Variants in OGDH observed in about 807,000 individuals in gnomAD.
The protein encoded by OGDH is oxoglutarate dehydrogenase, also known as 2-oxoglutarate dehydrogenase complex component E1.
In OGDH, 38 loss-of-function variants were observed where a neutral mutation model predicts 116.6. The observed-to-expected ratio is 0.33, with a 90% confidence interval of 0.25 to 0.43. The LOEUF (loss-of-function observed/expected upper bound fraction) is 0.43. OGDH is among the 20% of genes least tolerant of loss of function. The pLI, the probability that OGDH is intolerant of heterozygous loss-of-function variation, is 1.00. For synonymous variants in OGDH, 488 were observed against 533.3 expected (o/e 0.92, Z 1.17); for missense variants, 825 against 1,357.2 (o/e 0.61, Z 6.16).
chr7:44,647,016 G>A (rs1021014740), intron 3 of OGDH, among the ~76,000 whole-genome samples: 1 of 152,118 alleles, frequency 6.6e-6, no homozygotes, highest in Non-Finnish European at 1.5e-5. Flanking sequence ...CAAACTCCTA[G>A]GCTCAAGAGA....
rs1481678732 is a variant in OGDH, at chr7:44,618,431, C to G, written c.-27-5886C>G. On this transcript the variant is annotated intron_variant, in intron 1 of 22. Coordinates refer to ENST00000222673, the MANE Select transcript of OGDH (RefSeq NM_002541.4). The stretch of plus-strand genomic sequence containing the variant: ...TTCCCTCATTTCTCTGCCCCAGCCC[C>G]AGGCAACCACTAATCTACTTTCTCT... Among the ~76,000 whole-genome samples the G allele has an allele frequency of 2.0e-5, 3 of 152,152 alleles. No individual in the cohort carries two copies. The East Asian group carries it at 5.8e-4, about 29-fold the overall frequency.
At chr7:44,615,665 T>G (rs1784740032) in intron 1 of OGDH, among the ~76,000 whole-genome samples, 1 of 152,202 alleles carries the variant, frequency 6.6e-6, no homozygotes, top group South Asian at 2.1e-4. Flanking sequence ...GTTTTCTTTG[T>G]CTACACCTGT....
At chr7:44,664,321 TTC>T (rs1787086931) in intron 4 of OGDH, among the ~76,000 whole-genome samples, 1 of 152,184 alleles carries the variant, frequency 6.6e-6, no homozygotes, top group African/African-American at 2.4e-5. Context: ...ACATTTTGGA[TTC>T]CCTCTTGGGC....
At chr7:44,625,252 G>A (rs555003787) in intron 2 of OGDH, among the ~76,000 whole-genome samples, 2 of 152,210 alleles carry the variant, frequency 1.3e-5, no homozygotes, top group South Asian at 4.2e-4. Context: ...AGCCTCCCGA[G>A]TAACTGGGAC....
At chr7:44,667,257 TGTAAG>T (rs1477352858) in intron 5 of OGDH, among the ~76,000 whole-genome samples, 1 of 152,136 alleles carries the variant, frequency 6.6e-6, no homozygotes, top group Non-Finnish European at 1.5e-5. Context: ...TTTTAAAAAT[TGTAAG>T]GGAAGGAGGA....
At chr7:44,670,557 G>C (rs1483361042) in intron 5 of OGDH, among the ~76,000 whole-genome samples, 1 of 152,122 alleles carries the variant, frequency 6.6e-6, no homozygotes, top group Non-Finnish European at 1.5e-5. Flanking sequence ...TCAGTACCTT[G>C]GGCACTATGG....
Position 44,697,327 on chromosome 7 carries a change from C to G in OGDH, c.2052-43C>G, listed in dbSNP as rs751959532. ...GCGGGTCCCCAGCGTATTTGCTTGT[C>G]AAGTCAGAGCTCCTAATTATTACCT... On this transcript the variant is annotated intron_variant, in intron 15 of 22. Coordinates refer to ENST00000222673, the MANE Select transcript of OGDH (RefSeq NM_002541.4). The surrounding 1 kb of genome is among the most constrained non-coding windows in gnomAD (Gnocchi z 6.0). 6 of 1,611,796 alleles carry G rather than the reference C, an allele frequency of 3.7e-6. No individual in the cohort carries two copies. In the East Asian group the frequency reaches 1.3e-4, roughly 36 times the overall value.
At chr7:44,676,616 A>G (rs201507494) in intron 9 of OGDH, 991 of 19,800 alleles carry the variant, frequency 0.05, 9 homozygotes, top group South Asian at 0.11. Flanking sequence ...GTGTGTGTGT[A>G]TATATATATA....
At chr7:44,695,533 C>T (rs1438076670) in intron 12 of OGDH, among the ~76,000 whole-genome samples, 4 of 151,656 alleles carry the variant, frequency 2.6e-5, no homozygotes, top group Non-Finnish European at 5.9e-5. Flanking sequence ...GGTGAAACCC[C>T]GTCTACTAAA....
At chr7:44,626,454 C>G (rs1785213237) in intron 2 of OGDH, among the ~76,000 whole-genome samples, 1 of 152,218 alleles carries the variant, frequency 6.6e-6, no homozygotes, top group Admixed American at 6.5e-5. Flanking sequence ...TTTTGCCTTC[C>G]TTTTCTCAAA....
intron 1 of OGDH, among the ~76,000 whole-genome samples, chr7:44,619,437 G>A (rs1585225163): frequency 1.3e-5 from 2 of 152,310 alleles, no homozygotes; most frequent in Middle Eastern, 6.8e-3. Context: ...CACACATTTA[G>A]TCACAGAAAT....
At chr7:44,635,241 GAA>G (rs1785611634) in intron 2 of OGDH, among the ~76,000 whole-genome samples, 1 of 152,198 alleles carries the variant, frequency 6.6e-6, no homozygotes, top group African/African-American at 2.4e-5. Context: ...TGAGCTGAAA[GAA>G]GAGCCATACG....
intron 3 of OGDH, chr7:44,647,326 A>G (rs1786228645): frequency 1.5e-6 from 1 of 645,604 alleles, no homozygotes; most frequent in Non-Finnish European, 2.7e-6. Flanking sequence ...ATTTTGTCGT[A>G]TGGGTTTATT....
chr7:44,695,959 T>A, intron 12 of OGDH, 66 bp from the exon 13 acceptor site: 1 of 857,722 alleles, frequency 1.2e-6, no homozygotes, highest in Non-Finnish European at 2.0e-6. Flanking sequence ...AGTGTGGGGG[T>A]ACAGGTGGGC....
chr7:44,687,335 T>G (rs1788176740), intron 10 of OGDH, among the ~76,000 whole-genome samples: 1 of 151,812 alleles, frequency 6.6e-6, no homozygotes, highest in Admixed American at 6.6e-5. Flanking sequence ...TGAGCTCAAG[T>G]GATCCGCCTG....
At chr7:44,666,886 C>A in intron 5 of OGDH, 35 bp downstream of exon 5, 1 of 1,332,720 alleles carries the variant, frequency 7.5e-7, no homozygotes, top group South Asian at 1.2e-5. Flanking sequence ...TAATGGACTT[C>A]TTAAGAACTT....
intron 8 of OGDH, 41 bp from the exon 9 acceptor site, chr7:44,675,929 T>C: frequency 6.3e-7 from 1 of 1,594,208 alleles, no homozygotes; most frequent in Non-Finnish European, 8.6e-7. Context: ...AGACTGAGCA[T>C]CTCCTTGGCC....
chr7:44,707,239 C>G lies in OGDH; in HGVS notation c.2647C>G (p.Arg883Gly). The G allele has an allele frequency of 6.2e-7, 1 of 1,614,090 alleles. No individual in the cohort carries two copies. Residue 883 changes from arginine (R) to glycine (G), a missense_variant, in exon 21 of 23, where the codon CGG becomes GGG. This residue lies in a region of OGDH where 212 missense variants were observed against 284.3 expected (regional missense o/e 0.75). Transcript: ENST00000222673. This position sits in a 1 kb window ranked among gnomAD's most constrained non-coding sequence, Gnocchi z 5.2. ...CTCTCTTGTAGGAACCCACTTCCAGCGGGTGATCCCAGAAGATGGCCCTGC... is the reference window on the plus strand; with the variant it reads ...CTCTCTTGTAGGAACCCACTTCCAGGGGGTGATCCCAGAAGATGGCCCTGC... Reference protein sequence around the residue: ...DEMLPGTHFQRVIPEDGPAAQ... With the variant: ...DEMLPGTHFQGVIPEDGPAAQ...
At chr7:44,690,839 T>C (rs1002246635) in intron 10 of OGDH, among the ~76,000 whole-genome samples, 4 of 152,214 alleles carry the variant, frequency 2.6e-5, no homozygotes, top group African/African-American at 9.6e-5. Context: ...TGCAGGCCCT[T>C]CTTTACATGC....
Sources: gnomAD v4.1 joint callset for allele counts (sites outside exome capture counted in the v4.1 genomes callset) on GRCh38, gnomAD v4.1.1 for gene constraint, gnomAD v4.1.1 regional missense constraint, Gnocchi (gnomAD v3.1) non-coding constraint, MANE v1.5 for transcripts, NCBI Gene and HGNC (gene_info 2026-07-23, HGNC 2026-07-21) for gene names.